Variants in CCDC102B observed in about 807,000 individuals in gnomAD.
CCDC102B encodes coiled-coil domain-containing protein 102B.
A neutral mutation model predicts 57.4 loss-of-function variants in CCDC102B; 75 were observed. The observed-to-expected ratio is 1.31, with a 90% confidence interval of 1.08 to 1.58. CCDC102B has a LOEUF of 1.58. Ranked by LOEUF, CCDC102B falls within the 40% of genes most tolerant of loss-of-function variation. CCDC102B has a pLI of 0.00. For missense variants in CCDC102B, 636 were observed against 582.6 expected, an observed-to-expected ratio of 1.09 and a Z score of -0.94; for synonymous variants, 206 against 201.9, an observed-to-expected ratio of 1.02 and a Z score of -0.17.
intron 7 of CCDC102B, among the ~76,000 whole-genome samples, chr18:69,022,749 G>C (rs1324773764): frequency 6.6e-6 from 1 of 151,964 alleles, no homozygotes; most frequent in Non-Finnish European, 1.5e-5. Context: ...GTATCTATTT[G>C]TACAGACATG....
intron 1 of CCDC102B, among the ~76,000 whole-genome samples, chr18:68,835,439 A>G (rs1022770482): frequency 1.3e-5 from 2 of 152,218 alleles, no homozygotes; most frequent in Non-Finnish European, 2.9e-5. Flanking sequence ...AATGTGAATT[A>G]TGTATCTTTA....
At chr18:68,784,026 T>C (rs905202071) in intron 2 of CCDC102B, among the ~76,000 whole-genome samples, 1 of 152,238 alleles carries the variant, frequency 6.6e-6, no homozygotes, top group African/African-American at 2.4e-5. Context: ...TTCATTTATA[T>C]GAATTTTTTA....
intron 6 of CCDC102B, among the ~76,000 whole-genome samples, chr18:68,898,954 C>T (rs2040338126): frequency 6.6e-6 from 1 of 152,012 alleles, no homozygotes; most frequent in Admixed American, 6.6e-5. Flanking sequence ...GTCATCAGGG[C>T]ACACCGAGTC....
At chr18:68,727,765 C>T (rs1402268808) in intron 2 of CCDC102B, among the ~76,000 whole-genome samples, 1 of 152,176 alleles carries the variant, frequency 6.6e-6, no homozygotes, top group Non-Finnish European at 1.5e-5. Context: ...GTAAATTCTT[C>T]ATGGGAGAAT....
upstream of CCDC102B, among the ~76,000 whole-genome samples, chr18:68,794,838 A>G (rs1193055615): frequency 6.6e-6 from 1 of 152,036 alleles, no homozygotes; most frequent in African/African-American, 2.4e-5. Context: ...CATGCTATCA[A>G]TGAACAAATA....
rs35808828 is a variant in CCDC102B at position 68,905,784 on chromosome 18, C to CTTTTTTTTTTT, written c.1263+8373_1263+8383dup. Among the ~76,000 whole-genome samples the CTTTTTTTTTTT allele has an allele frequency of 9.9e-5, 7 of 70,464 alleles. 1 individual carries two copies. The East Asian group carries it at 2.8e-3, about 28-fold the overall frequency. The allele number at this position is 70,464 out of a possible 152,430, so 46.2% of individuals were successfully genotyped here. Reference sequence around the variant, plus strand: ...GTGATATATAATCTTTTATGTCTGGCTTTTTTTTTTTTTTTTTTTTTTTTT... The same window carrying CTTTTTTTTTTT: ...GTGATATATAATCTTTTATGTCTGGCTTTTTTTTTTTTTTTTTTTTTTTTTTTTTTTTTTTT... On this transcript the variant is annotated intron_variant, in intron 6 of 7. Coordinates refer to ENST00000360242, the MANE Select transcript of CCDC102B (RefSeq NM_024781.3).
intron 1 of CCDC102B, among the ~76,000 whole-genome samples, chr18:68,824,621 T>C (rs2036831892): frequency 6.6e-6 from 1 of 152,194 alleles, no homozygotes; most frequent in Admixed American, 6.5e-5. Flanking sequence ...AAACTGTGAT[T>C]TTCAATTACA....
chr18:68,725,500 A>T (rs2032553741), intron 2 of CCDC102B, among the ~76,000 whole-genome samples: 1 of 152,294 alleles, frequency 6.6e-6, no homozygotes, highest in Non-Finnish European at 1.5e-5. Flanking sequence ...ATTTACTTGT[A>T]TGTGGTGGTA....
chr18:68,805,712 C>T (rs1210991500), intron 1 of CCDC102B, among the ~76,000 whole-genome samples: 6 of 151,928 alleles, frequency 3.9e-5, no homozygotes, highest in Admixed American at 1.3e-4. Flanking sequence ...AGGTGCATAA[C>T]CAGCCAGTGA....
At chr18:68,954,254 T>C (rs1046216089) in intron 6 of CCDC102B, among the ~76,000 whole-genome samples, 1 of 152,090 alleles carries the variant, frequency 6.6e-6, no homozygotes, top group African/African-American at 2.4e-5. Flanking sequence ...ACCCCATCTC[T>C]ACTAAAAATA....
chr18:68,855,600 G>T (rs2038346479), intron 4 of CCDC102B, among the ~76,000 whole-genome samples: 1 of 152,062 alleles, frequency 6.6e-6, no homozygotes, highest in South Asian at 2.1e-4. Flanking sequence ...GAAGAACTCA[G>T]TGTATATGAA....
At chr18:68,855,241 T>C (rs1485182683) in intron 4 of CCDC102B, among the ~76,000 whole-genome samples, 2 of 152,150 alleles carry the variant, frequency 1.3e-5, no homozygotes, top group African/African-American at 2.4e-5. Context: ...GTTTAACTTA[T>C]GAAATATGTA....
At chr18:68,838,513 T>C in intron 2 of CCDC102B, 193 bp from the exon 3 acceptor site, 1 of 985,128 alleles carries the variant, frequency 1.0e-6, no homozygotes. Flanking sequence ...TATGAGAAAG[T>C]AGAACATAGA....
chr18:68,967,382 G>C (rs994302187), intron 6 of CCDC102B, among the ~76,000 whole-genome samples: 2 of 152,064 alleles, frequency 1.3e-5, no homozygotes, highest in Non-Finnish European at 2.9e-5. Flanking sequence ...ATTTTTGAAA[G>C]TATTTTTAAA....
chr18:68,749,368 G>A (rs1348540889), intron 2 of CCDC102B, among the ~76,000 whole-genome samples: 1 of 152,088 alleles, frequency 6.6e-6, no homozygotes, highest in Non-Finnish European at 1.5e-5. Flanking sequence ...ACCTTGGGCA[G>A]TATGGCCATT....
At chr18:68,740,080 A>G (rs2145220506) in intron 2 of CCDC102B, among the ~76,000 whole-genome samples, 1 of 152,332 alleles carries the variant, frequency 6.6e-6, no homozygotes, top group South Asian at 2.1e-4. Context: ...TCTGGGTCAG[A>G]TAATTCTTTG....
intron 7 of CCDC102B, among the ~76,000 whole-genome samples, chr18:69,048,194 G>A (rs112401533): frequency 0.02 from 3,087 of 151,092 alleles, 101 homozygotes; most frequent in African/African-American, 0.07. Context: ...TACTGGCACT[G>A]TAATGCCAAA....
intron 4 of CCDC102B, chr18:68,866,519 G>T: frequency 5.8e-6 from 1 of 171,370 alleles, no homozygotes; most frequent in Non-Finnish European, 1.3e-5. Context: ...GACACAAGAT[G>T]GTTGTACTCT....
intron 6 of CCDC102B, among the ~76,000 whole-genome samples, chr18:68,923,394 A>C (rs1395260317): frequency 6.6e-6 from 1 of 151,958 alleles, no homozygotes; most frequent in Non-Finnish European, 1.5e-5. Flanking sequence ...CAAACTATAC[A>C]GTGTGTATGA....
Sources: gnomAD v4.1 joint callset for allele counts (sites outside exome capture counted in the v4.1 genomes callset) on GRCh38, gnomAD v4.1.1 for gene constraint, MANE v1.5 for transcripts, NCBI Gene and HGNC (gene_info 2026-07-23, HGNC 2026-07-21) for gene names.